Variants in VPS16 observed in about 807,000 individuals in gnomAD.
The protein encoded by VPS16 is VPS16 core subunit of CORVET and HOPS complexes.
Under a neutral mutation model 116.0 loss-of-function variants are expected in VPS16, and 82 were observed. That is an observed-to-expected ratio of 0.71 (90% CI 0.59 to 0.85). The LOEUF is 0.85. VPS16 is among the 40% of genes least tolerant of loss of function. The probability of loss-of-function intolerance (pLI) is 0.00; values close to 1 mark genes in which losing one functional copy is unlikely to be tolerated. For synonymous variants in VPS16, 406 were observed against 420.7 expected, an observed-to-expected ratio of 0.96 and a Z score of 0.43; for missense variants, 928 against 1,090.6, an observed-to-expected ratio of 0.85 and a Z score of 2.10.
chr20:2,850,241 T>G (rs2089104259), intron 1 of VPS16, among the ~76,000 whole-genome samples: 1 of 152,190 alleles, frequency 6.6e-6, no homozygotes, highest in Non-Finnish European at 1.5e-5. Flanking sequence ...GGAGAACTCC[T>G]TGAACCTTGG....
In VPS16 at chr20:2,864,683, T is replaced by C; in HGVS notation, c.1926+29T>C. ...TGAGATCCATGGGGCGTGTGGGGCG[T>C]GTGGGGCATGTGGGCTGGGGCTGTT... On this transcript the variant is annotated intron_variant, in intron 19 of 23. Transcript: ENST00000380445. This position sits in a 1 kb window ranked among gnomAD's most constrained non-coding sequence, Gnocchi z 5.2. 3 of 1,605,688 alleles carry C rather than the reference T, an allele frequency of 1.9e-6. No homozygotes were observed. Among genetic ancestry groups the C allele is most frequent in the Non-Finnish European group, 2.6e-6 (3 of 1,174,374 alleles).
intron 1 of VPS16, among the ~76,000 whole-genome samples, chr20:2,856,305 A>AC (rs1179301194): frequency 1.3e-5 from 2 of 152,188 alleles, no homozygotes; most frequent in African/African-American, 4.8e-5. Flanking sequence ...AGTTTGTGGC[A>AC]CCCCAAAACA....
Position 2,866,595 on chromosome 20 carries a change from C to T in VPS16, c.*21C>T, listed in dbSNP as rs1308595426. 6.2e-7 allele frequency: 1 copy of T among 1,612,880 alleles called. No individual in the cohort carries two copies. The highest frequency in any genetic ancestry group is 8.5e-7 in the Non-Finnish European group (1 of 1,179,454). ...AGTGAGGAGTCCATCCTGTACATCT[C>T]AAGCAAGGGGTTCCTCCCCTAGCAC... On this transcript the variant is annotated 3_prime_UTR_variant, in exon 24 of 24. Coordinates refer to ENST00000380445, the MANE Select transcript of VPS16 (RefSeq NM_022575.4).
chr20:2,852,450 C>CTA (rs1387523144), intron 1 of VPS16, among the ~76,000 whole-genome samples: 2 of 152,060 alleles, frequency 1.3e-5, no homozygotes, highest in Admixed American at 1.3e-4. Flanking sequence ...ATCTATTTTC[C>CTA]TATCAGATGT....
Position 2,862,788 on chromosome 20 carries a change from G to A in VPS16, c.1204-19G>A, listed in dbSNP as rs768292659. The A allele has an allele frequency of 7.4e-6, 12 of 1,613,610 alleles. No individual in the cohort carries two copies. The highest frequency in any genetic ancestry group is 2.2e-5 in the East Asian group (1 of 44,874). ...GGCAGCAGGGAAGCTCTCTCCTATCGCCCTCTGGCTCTTCTCAGGCCGCCT... is the reference window on the plus strand; with the variant it reads ...GGCAGCAGGGAAGCTCTCTCCTATCACCCTCTGGCTCTTCTCAGGCCGCCT... On this transcript the variant is annotated intron_variant, in intron 12 of 23. Coordinates refer to ENST00000380445, the MANE Select transcript of VPS16 (RefSeq NM_022575.4).
chr20:2,862,821 A>C lies in VPS16; in HGVS notation c.1218A>C (p.Gly406=). ...QKSLLRAASF[G]KCFLDRFPPD... ...GCTCTTCTCAGGCCGCCTCCTTCGG[A>C]AAGTGTTTCCTGGACAGATTTCCAC... is the stretch of plus-strand genomic sequence containing the variant. Residue 406 remains glycine, a synonymous_variant, in exon 13 of 24, where the codon GGA becomes GGC. Transcript: ENST00000380445. The C allele has an allele frequency of 6.2e-7, 1 of 1,613,996 alleles. No individual in the cohort carries two copies. The highest frequency in any genetic ancestry group is 8.5e-7 in the Non-Finnish European group (1 of 1,180,020).
chr20:2,866,548 G>T lies in VPS16; in HGVS notation c.2494G>T (p.Ala832Ser). 6.2e-7 allele frequency: 1 copy of T among 1,614,182 alleles called. No homozygotes were observed. Among genetic ancestry groups the T allele is most frequent in the Non-Finnish European group, 8.5e-7 (1 of 1,180,020 alleles). The change falls in exon 24 of 24, where the codon GCC (alanine) becomes TCC (serine). Residue 832 changes from alanine to serine, a missense_variant. Physicochemically the swap from Ala to Ser is moderately conservative, Grantham distance 99. Coordinates refer to ENST00000380445, the MANE Select transcript of VPS16 (RefSeq NM_022575.4). ...GGCCACAGCTGACAAGATTCAACGGGCCAGGGCACAAGCCCAGAAGAAGTG... is the reference window on the plus strand; with the variant it reads ...GGCCACAGCTGACAAGATTCAACGGTCCAGGGCACAAGCCCAGAAGAAGTG... ...DGATADKIQRARAQAQKK is the reference protein window; with the variant it reads ...DGATADKIQRSRAQAQKK
At chr20:2,853,000 T>A (rs2089136753) in intron 1 of VPS16, among the ~76,000 whole-genome samples, 1 of 152,246 alleles carries the variant, frequency 6.6e-6, no homozygotes, top group Non-Finnish European at 1.5e-5. Context: ...GTTAATCCTT[T>A]CAAACCACGC....
Position 2,862,862 on chromosome 20 carries a change from A to G in VPS16, c.1259A>G (p.His420Arg). ...LDRFPPDSFV[H>R]MCQDLRVLNA... The stretch of plus-strand genomic sequence containing the variant: ...AGATTTCCACCCGACAGCTTCGTGC[A>G]CATGTGTCAGGACCTGCGTGTGCTC... The change falls in exon 13 of 24, where the codon CAC (histidine) becomes CGC (arginine). Residue 420 changes from histidine to arginine, a missense_variant. Coordinates refer to ENST00000380445, the MANE Select transcript of VPS16 (RefSeq NM_022575.4). 1.2e-6 allele frequency: 2 copies of G among 1,614,130 alleles called. No homozygotes were observed. The highest frequency in any genetic ancestry group is 2.2e-5 in the East Asian group (1 of 44,870).
chr20:2,843,829 T>C (rs2089032869), intron 1 of VPS16, among the ~76,000 whole-genome samples: 1 of 152,250 alleles, frequency 6.6e-6, no homozygotes, highest in Non-Finnish European at 1.5e-5. Flanking sequence ...ATTAATCTAC[T>C]CTTACCTGTG....
chr20:2,861,582 A>G (rs1182601583), intron 8 of VPS16, 33 bp from the exon 9 acceptor site: 2 of 1,581,458 alleles, frequency 1.3e-6, no homozygotes, highest in Non-Finnish European at 1.7e-6. Flanking sequence ...GCCATGGGAC[A>G]GTGTCTAGCC....
chr20:2,842,505 G>A (rs2088988938), intron 1 of VPS16, among the ~76,000 whole-genome samples: 1 of 151,778 alleles, frequency 6.6e-6, no homozygotes. Context: ...TACTTGGGAG[G>A]CTGAGGCAGG....
chr20:2,852,472 A>G (rs2089131956), intron 1 of VPS16, among the ~76,000 whole-genome samples: 2 of 152,200 alleles, frequency 1.3e-5, no homozygotes, highest in South Asian at 4.1e-4. Flanking sequence ...TTTTCACCCA[A>G]TGATTTTAGT....
rs750332416 is a variant in VPS16 at position 2,862,727 on chromosome 20, G to C, written c.1203+17G>C. The C allele has an allele frequency of 1.9e-6, 3 of 1,611,174 alleles. No homozygotes were observed. The highest frequency in any genetic ancestry group is 2.5e-6 in the Non-Finnish European group (3 of 1,179,662). On this transcript the variant is annotated intron_variant, in intron 12 of 23. Transcript: ENST00000380445. ...CTGCTCAGGGTTGGCCTGGATGGCC[G>C]GGCCGGGGAGGGTGGGGCTGGGAGG...
chr20:2,864,132 C>A lies in VPS16; in HGVS notation c.1612-47C>A, dbSNP rs1197419385. 11 of 1,613,676 alleles carry A rather than the reference C, an allele frequency of 6.8e-6. No individual in the cohort carries two copies. The highest frequency in any genetic ancestry group is 1.1e-5 in the South Asian group (1 of 91,054). ...GACACTCTGATGTGGTTGTTCAGGG[C>A]CCCCATGCCAGCTCCTTCTCTCTGT... On this transcript the variant is annotated intron_variant, in intron 16 of 23. Coordinates refer to ENST00000380445, the MANE Select transcript of VPS16 (RefSeq NM_022575.4). The surrounding 1 kb of genome is among the most constrained non-coding windows in gnomAD (Gnocchi z 5.2).
intron 1 of VPS16, among the ~76,000 whole-genome samples, chr20:2,850,326 A>AAAAAC (rs146507715): frequency 6.6e-6 from 1 of 151,888 alleles, no homozygotes; most frequent in South Asian, 2.1e-4. Context: ...CTCTGTCTCA[A>AAAAAC]AAAACAAAAC....
At position 2,865,558 on chromosome 20, in the gene VPS16, G is replaced by C; in HGVS notation, c.2271+63G>C. ...GGGTAGTCTTCGGGAGAGAGGGCTA[G>C]GCAGGGAGACAGATAGGATGGCCCG... is the stretch of plus-strand genomic sequence containing the variant. On this transcript the variant is annotated intron_variant, in intron 22 of 23. Transcript: ENST00000380445. The surrounding 1 kb of genome is among the most constrained non-coding windows in gnomAD (Gnocchi z 5.2). The C allele has an allele frequency of 6.7e-7, 1 of 1,490,616 alleles. No homozygotes were observed. The highest frequency in any genetic ancestry group is 1.2e-5 in the South Asian group (1 of 81,446). 92.3% of individuals were successfully genotyped at this position (1,490,616 alleles called of 1,614,324 possible). A position where few individuals can be genotyped will look rare whatever the true frequency, so the allele number is the denominator to read the frequency against.
Position 2,866,460 on chromosome 20 carries a change from C to T in VPS16, c.2406C>T (p.Ile802=), listed in dbSNP as rs774078373. 46 of 1,614,026 alleles carry T rather than the reference C, an allele frequency of 2.9e-5. No homozygotes were observed. Among genetic ancestry groups the T allele is most frequent in the Middle Eastern group, 1.6e-4 (1 of 6,084 alleles). ...TGGCTCAGGCTGCAGATGTGGCCAT[C>T]GAACACCGGAATGAGGCTGAGCTGA... The part of the protein sequence containing the change: ...GDVAQAADVA[I]EHRNEAELSL... The change falls in exon 24 of 24, where the codon ATC becomes ATT. Residue 802 remains isoleucine, a synonymous_variant. Coordinates refer to ENST00000380445, the MANE Select transcript of VPS16 (RefSeq NM_022575.4).
Position 2,864,020 on chromosome 20 carries a change from T to C in VPS16, c.1548T>C (p.Gly516=), listed in dbSNP as rs2146676838. The part of the protein sequence containing the change: ...AINQKLGDTP[G]VSYSDIAARA... The stretch of plus-strand genomic sequence containing the variant: ...ACCAGAAGCTGGGGGACACGCCTGG[T>C]GTCTCTTACTCCGACATTGCTGCAC... Residue 516 remains glycine (G), a synonymous_variant, in exon 16 of 24, where the codon GGT becomes GGC. Coordinates refer to ENST00000380445, the MANE Select transcript of VPS16 (RefSeq NM_022575.4). The surrounding 1 kb of genome is among the most constrained non-coding windows in gnomAD (Gnocchi z 5.2). 1.2e-6 allele frequency: 2 copies of C among 1,614,066 alleles called. No individual in the cohort carries two copies. Among genetic ancestry groups the C allele is most frequent in the African/African-American group, 2.7e-5 (2 of 75,018 alleles).
Sources: gnomAD v4.1 joint callset for allele counts (sites outside exome capture counted in the v4.1 genomes callset) on GRCh38, gnomAD v4.1.1 for gene constraint, Gnocchi (gnomAD v3.1) non-coding constraint, MANE v1.5 for transcripts, NCBI Gene and HGNC (gene_info 2026-07-23, HGNC 2026-07-21) for gene names.